The following RYR3 variants were observed in gnomAD, a reference collection of about 807,000 sequenced individuals.
The protein encoded by RYR3 is brain ryanodine receptor-calcium release channel.
A neutral mutation model predicts 584.3 loss-of-function variants in RYR3; 207 were observed. The ratio of observed to expected loss-of-function variants is 0.35; its 90% CI spans 0.32 to 0.40. RYR3 has a LOEUF of 0.40. RYR3 is among the 10% of genes least tolerant of loss of function. The probability of loss-of-function intolerance (pLI) is 1.00; values close to 1 mark genes in which losing one functional copy is unlikely to be tolerated. For missense variants in RYR3, 5,616 were observed against 6,089.2 expected (o/e 0.92, Z 2.59); for synonymous variants, 2,416 against 2,248.5 (o/e 1.07, Z -2.11).
At chr15:33,628,331 A>T (rs887146241) in intron 20 of RYR3, 140 bp from the exon 21 acceptor site, 1 of 607,220 alleles carries the variant, frequency 1.6e-6, no homozygotes, top group Non-Finnish European at 3.0e-6. Context: ...GCTGGGGAGC[A>T]TGTGGGTCAG....
Position 33,377,090 on chromosome 15 carries a change from T to C in RYR3, c.51+65994T>C, listed in dbSNP as rs143403238. ...GCTTAGGGAAGCAAGGCAGGCAGCATGTACCACCATTTAGACAGACGTAGA... is the reference window on the plus strand; with the variant it reads ...GCTTAGGGAAGCAAGGCAGGCAGCACGTACCACCATTTAGACAGACGTAGA... On this transcript the variant is annotated intron_variant, in intron 1 of 103. Transcript: ENST00000634891. Among the ~76,000 whole-genome samples the C allele has an allele frequency of 6.1e-3, 936 of 152,336 alleles. 13 individuals are homozygous for C. Among genetic ancestry groups the C allele is most frequent in the African/African-American group, 0.021 (881 of 41,570 alleles).
At chr15:33,725,976 CAAA>C (rs61503360) in intron 45 of RYR3, among the ~76,000 whole-genome samples, 874 of 31,380 alleles carry the variant, frequency 0.028, 15 homozygotes, top group African/African-American at 0.091. Flanking sequence ...TCCCCCCCCC[CAAA>C]AAAAAAAAAA....
intron 72 of RYR3, among the ~76,000 whole-genome samples, chr15:33,812,031 A>T (rs1327985030): frequency 2.0e-5 from 3 of 152,196 alleles, no homozygotes; most frequent in African/African-American, 7.2e-5. Flanking sequence ...CTCTAGGGCC[A>T]GAAAAAAAAT....
chr15:33,327,006 T>A (rs1417875009), intron 1 of RYR3, among the ~76,000 whole-genome samples: 9 of 147,830 alleles, frequency 6.1e-5, no homozygotes, highest in East Asian at 4.0e-4. Flanking sequence ...GGGTGTAGTT[T>A]AAAAAAAAAA....
At chr15:33,364,744 T>A (rs931377913) in intron 1 of RYR3, among the ~76,000 whole-genome samples, 1 of 152,052 alleles carries the variant, frequency 6.6e-6, no homozygotes, top group Non-Finnish European at 1.5e-5. Flanking sequence ...TGAGAAGAAA[T>A]GGATTCTATC....
At chr15:33,639,691 G>T (rs1056333928) in intron 27 of RYR3, among the ~76,000 whole-genome samples, 1 of 152,144 alleles carries the variant, frequency 6.6e-6, no homozygotes, top group Non-Finnish European at 1.5e-5. Flanking sequence ...GGGAAGCAGT[G>T]GGGACAGATA....
chr15:33,536,253 G>A (rs920306119), intron 5 of RYR3, among the ~76,000 whole-genome samples: 1 of 152,144 alleles, frequency 6.6e-6, no homozygotes, highest in African/African-American at 2.4e-5. Context: ...GAGAAAGTTT[G>A]GGGGCAGTTT....
intron 5 of RYR3, among the ~76,000 whole-genome samples, chr15:33,537,966 C>T (rs952034390): frequency 6.6e-6 from 1 of 151,778 alleles, no homozygotes. Flanking sequence ...AGCTTTATCC[C>T]ACCACCTTTT....
rs2041550458 is a variant in RYR3, at chr15:33,385,710, C to CTTTTCT, written c.51+74618_51+74619insCTTTTT. On this transcript the variant is annotated intron_variant, in intron 1 of 103. Transcript: ENST00000634891. ...TTTTCTTTTTTTTTCTTTTTCTTTT[C>CTTTTCT]TTTTTTTTTTTGAGACAGGGTCTCA... Among the ~76,000 whole-genome samples the CTTTTCT allele has an allele frequency of 1.8e-4, 23 of 131,402 alleles. 2 individuals are homozygous for CTTTTCT. The highest frequency in any genetic ancestry group is 6.8e-4 in the African/African-American group (23 of 34,012). 86.2% of individuals were successfully genotyped at this position (131,402 alleles called of 152,430 possible).
intron 67 of RYR3, among the ~76,000 whole-genome samples, chr15:33,794,350 T>A (rs796424966): frequency 0.15 from 14,354 of 97,206 alleles, 64 homozygotes; most frequent in East Asian, 0.23. Flanking sequence ...TATATAAAAA[T>A]ATATATATAT....
At chr15:33,850,952 T>C (rs2079066448) in intron 94 of RYR3, 1 of 152,190 alleles carries the variant, frequency 6.6e-6, no homozygotes, top group Non-Finnish European at 1.5e-5. Flanking sequence ...TCCCTAAATA[T>C]ATTTTGACTA....
intron 18 of RYR3, among the ~76,000 whole-genome samples, chr15:33,605,178 G>C (rs1209042107): frequency 6.6e-6 from 1 of 152,174 alleles, no homozygotes; most frequent in African/African-American, 2.4e-5. Flanking sequence ...AGCACTGCAT[G>C]GGGCACTTAG....
At position 33,780,222 on chromosome 15, in the gene RYR3, C is replaced by T; in HGVS notation, c.9149C>T (p.Ala3050Val). ...TTCTTTGTTTCCAGGCAACGCCCTG[C>T]CCTTGGAGAATGTCTGGCCTCGCTG... is the stretch of plus-strand genomic sequence containing the variant. ...KNIYVERQRP[A>V]LGECLASLAA... Residue 3050 changes from alanine to valine, a missense_variant, in exon 65 of 104, where the codon GCC becomes GTC. Ala to Val is a moderately conservative substitution (Grantham distance 64). Transcript: ENST00000634891. The T allele has an allele frequency of 6.2e-7, 1 of 1,613,800 alleles. No homozygotes were observed. Among genetic ancestry groups the T allele is most frequent in the Non-Finnish European group, 8.5e-7 (1 of 1,179,750 alleles).
At chr15:33,637,958 C>G (rs142062396) in intron 27 of RYR3, among the ~76,000 whole-genome samples, 1,738 of 152,230 alleles carry the variant, frequency 0.011, 15 homozygotes, top group Non-Finnish European at 0.017. Flanking sequence ...CCCGCTCCCC[C>G]CATCCCACAA....
intron 1 of RYR3, among the ~76,000 whole-genome samples, chr15:33,468,807 C>T (rs1157497437): frequency 6.6e-6 from 1 of 152,128 alleles, no homozygotes; most frequent in Non-Finnish European, 1.5e-5. Flanking sequence ...TGTGATCCTG[C>T]CTTTGAGGGG....
chr15:33,647,988 CAAAAAAA>C (rs3085194), intron 30 of RYR3, among the ~76,000 whole-genome samples: 1 of 98,326 alleles, frequency 1.0e-5, no homozygotes. Flanking sequence ...TAGCATCTGG[CAAAAAAA>C]AAAAAAAAAA....
chr15:33,311,123 C>T lies in RYR3; in HGVS notation c.51+27C>T. On this transcript the variant is annotated intron_variant, in intron 1 of 103. Coordinates refer to ENST00000634891, the MANE Select transcript of RYR3 (RefSeq NM_001036.6). This position sits in a 1 kb window ranked among gnomAD's most constrained non-coding sequence, Gnocchi z 4.4. ...TGAGTCTCCGCGGCGGGGGCGAGGC[C>T]GTGGGCAGGTGGGGAGGAGCGCGGA... The T allele has an allele frequency of 1.9e-6, 3 of 1,547,064 alleles. No individual in the cohort carries two copies. Among genetic ancestry groups the T allele is most frequent in the South Asian group, 1.2e-5 (1 of 84,538 alleles).
intron 98 of RYR3, among the ~76,000 whole-genome samples, chr15:33,855,153 C>T (rs115722051): frequency 0.011 from 1,610 of 151,988 alleles, 36 homozygotes; most frequent in African/African-American, 0.036. Flanking sequence ...ACATTTAGAT[C>T]AACCAGGAGA....
chr15:33,683,327 T>C (rs542008425), intron 38 of RYR3, among the ~76,000 whole-genome samples: 14 of 152,098 alleles, frequency 9.2e-5, no homozygotes, highest in Non-Finnish European at 1.5e-4. Context: ...CTGAAGTATT[T>C]TGTAGTCACT....
Sources: gnomAD v4.1 joint callset for allele counts (sites outside exome capture counted in the v4.1 genomes callset) on GRCh38, gnomAD v4.1.1 for gene constraint, Gnocchi (gnomAD v3.1) non-coding constraint, MANE v1.5 for transcripts, NCBI Gene and HGNC (gene_info 2026-07-23, HGNC 2026-07-21) for gene names.